HMCN2: variants seen among roughly 807,000 people sequenced by gnomAD.
HMCN2 encodes hemicentin-2.
HMCN2 carries 325 observed loss-of-function variants against 377.5 expected under a neutral mutation model. The observed-to-expected ratio is 0.86, with a 90% confidence interval of 0.79 to 0.94. The LOEUF (loss-of-function observed/expected upper bound fraction) is 0.94. Among genes scored for constraint, HMCN2 ranks in the 40% least tolerant of loss-of-function variants. HMCN2 has a pLI of 0.00. For synonymous variants in HMCN2, 2,007 were observed against 2,046.8 expected (o/e 0.98, Z 0.53); for missense variants, 4,543 against 4,725.3 (o/e 0.96, Z 1.13).
At chr9:130,419,577 C>T (rs531037293) in intron 86 of HMCN2, 16 of 152,554 alleles carry the variant, frequency 1.0e-4, no homozygotes, top group African/African-American at 3.8e-4. Context: ...TGGATTCAGA[C>T]CTGCATAAAG....
In HMCN2 at chr9:130,385,590, G is replaced by A. The variant is rs1031796823; in HGVS notation, c.9137G>A (p.Gly3046Asp). The A allele has an allele frequency of 1.5e-6, 2 of 1,304,056 alleles. No individual in the cohort carries two copies. Among genetic ancestry groups the A allele is most frequent in the Admixed American group, 2.3e-5 (1 of 43,542 alleles). The allele number at this position is 1,304,056 out of a possible 1,614,324, so 80.8% of individuals were successfully genotyped here. ...VPPAFRQAPR[G>D]PQDAVLVRVG... ...CCGGCCTTCAGGCAGGCTCCCAGAG[G>A]TCCCCAGGATGCGGTCCTGGTGAGG... Residue 3046 changes from glycine to aspartate, a missense_variant, in exon 60 of 98, where the codon GGT becomes GAT. Gly to Asp is a moderately conservative substitution (Grantham distance 94). Around this residue, in one of 5 missense-constraint regions of HMCN2, gnomAD observed 736 missense variants for 773.2 expected, o/e 0.95. Coordinates refer to ENST00000683500, the MANE Select transcript of HMCN2 (RefSeq NM_001291815.2).
chr9:130,392,935 G>A (rs1210713882), intron 66 of HMCN2, among the ~76,000 whole-genome samples: 2 of 151,968 alleles, frequency 1.3e-5, no homozygotes, highest in Non-Finnish European at 2.9e-5. Flanking sequence ...GGCGGAGCTT[G>A]CAGTGAGCCG....
chr9:130,301,481 G>A (rs562020718), intron 8 of HMCN2, among the ~76,000 whole-genome samples: 48 of 152,330 alleles, frequency 3.2e-4, no homozygotes, highest in African/African-American at 1.1e-3. Flanking sequence ...CTTGTAGCAG[G>A]TGGCTCTGGG....
At chr9:130,426,343 A>G (rs1270897410) in intron 90 of HMCN2, among the ~76,000 whole-genome samples, 11 of 152,252 alleles carry the variant, frequency 7.2e-5, no homozygotes, top group Non-Finnish European at 1.2e-4. Flanking sequence ...AGTGAATGCT[A>G]AAGATACATA....
At chr9:130,348,484 C>T in intron 26 of HMCN2, 61 bp from the exon 27 acceptor site, 1 of 1,285,372 alleles carries the variant, frequency 7.8e-7, no homozygotes, top group Non-Finnish European at 1.0e-6. Context: ...CAGATGAGGT[C>T]CCTTCGGCTG....
chr9:130,410,633 G>A lies in HMCN2; in HGVS notation c.12942G>A (p.Val4314=), dbSNP rs373168736. The change falls in exon 85 of 98, where the codon GTG becomes GTA. Residue 4314 remains valine, a synonymous_variant. Coordinates refer to ENST00000683500, the MANE Select transcript of HMCN2 (RefSeq NM_001291815.2). The part of the protein sequence containing the change: ...AENEMGVAKK[V]VILVLQSAPV... ...ATGAGATGGGCGTGGCGAAGAAAGT[G>A]GTGATCCTCGTCCTGCAGAGTGAGT... 27 of 1,550,638 alleles carry A rather than the reference G, an allele frequency of 1.7e-5. No individual in the cohort carries two copies. Among genetic ancestry groups the A allele is most frequent in the Non-Finnish European group, 2.3e-5 (26 of 1,147,012 alleles).
intron 1 of HMCN2, among the ~76,000 whole-genome samples, chr9:130,267,478 G>GCA (rs1328068411): frequency 1.6e-5 from 2 of 123,544 alleles, no homozygotes; most frequent in Admixed American, 8.1e-5. Flanking sequence ...ACACACACAC[G>GCA]CACAGATTCC....
chr9:130,322,294 A>C (rs1224017517), intron 19 of HMCN2, among the ~76,000 whole-genome samples: 9 of 152,132 alleles, frequency 5.9e-5, no homozygotes, highest in African/African-American at 2.2e-4. Flanking sequence ...AAATTACATA[A>C]AAATTATCTA....
At chr9:130,334,128 TGTG>T (rs1838579892) in intron 22 of HMCN2, among the ~76,000 whole-genome samples, 1 of 152,122 alleles carries the variant, frequency 6.6e-6, no homozygotes, top group Non-Finnish European at 1.5e-5. Context: ...GAAGTGCAGG[TGTG>T]TCCCAGGTAG....
rs1554935460 is a variant in HMCN2 at position 130,303,759 on chromosome 9, C to T, written c.1543+151C>T. Reference sequence around the variant, plus strand: ...GCCCAGGCTGCCACCTGCCTGCTGCCCCTCATGTGGGGCCGTCTCACCCAG... The same window carrying T: ...GCCCAGGCTGCCACCTGCCTGCTGCTCCTCATGTGGGGCCGTCTCACCCAG... On this transcript the variant is annotated intron_variant, in intron 10 of 97. Transcript: ENST00000683500. This position sits in a 1 kb window ranked among gnomAD's most constrained non-coding sequence, Gnocchi z 5.2. Among the ~76,000 whole-genome samples, 1 of 152,218 alleles carries T rather than the reference C, an allele frequency of 6.6e-6. No homozygotes were observed. Among genetic ancestry groups the T allele is most frequent in the Non-Finnish European group, 1.5e-5 (1 of 68,040 alleles).
At chr9:130,272,844 C>G (rs978962656) in intron 1 of HMCN2, among the ~76,000 whole-genome samples, 9 of 152,242 alleles carry the variant, frequency 5.9e-5, no homozygotes, top group Admixed American at 1.3e-4. Flanking sequence ...AGGCCTGAAC[C>G]ACTGCGCCTG....
At chr9:130,312,475 T>G (rs1837293268) in intron 15 of HMCN2, among the ~76,000 whole-genome samples, 1 of 142,730 alleles carries the variant, frequency 7.0e-6, no homozygotes, top group South Asian at 2.4e-4. Context: ...TTTATTTATT[T>G]CCTTTCTTTC....
At chr9:130,387,284 C>T (rs1165025784) in intron 61 of HMCN2, among the ~76,000 whole-genome samples, 1 of 152,108 alleles carries the variant, frequency 6.6e-6, no homozygotes, top group Non-Finnish European at 1.5e-5. Context: ...ACAAAAAGAC[C>T]CCAAAATATA....
intron 85 of HMCN2, among the ~76,000 whole-genome samples, chr9:130,411,260 A>G (rs1843392581): frequency 6.6e-6 from 1 of 152,114 alleles, no homozygotes; most frequent in Admixed American, 6.5e-5. Context: ...TGCATACCAT[A>G]AAATTCACCC....
chr9:130,428,297 A>T lies in HMCN2; in HGVS notation c.14066-61A>T. On this transcript the variant is annotated intron_variant, in intron 92 of 97. Coordinates refer to ENST00000683500, the MANE Select transcript of HMCN2 (RefSeq NM_001291815.2). The surrounding 1 kb of genome is among the most constrained non-coding windows in gnomAD (Gnocchi z 5.0). ...TCTGTGGATAGGCCGGGCCAGGGTC[A>T]GGTGGCGAGGCACGCCTGGGGATCA... The T allele has an allele frequency of 6.8e-7, 1 of 1,466,426 alleles. No homozygotes were observed. The highest frequency in any genetic ancestry group is 1.4e-5 in the South Asian group (1 of 70,992). 90.8% of individuals were successfully genotyped at this position (1,466,426 alleles called of 1,614,324 possible). A position where few individuals can be genotyped will look rare whatever the true frequency, so the allele number is the denominator to read the frequency against.
Position 130,285,225 on chromosome 9 carries a change from G to A in HMCN2, c.398G>A (p.Gly133Glu), listed in dbSNP as rs1042419549. The A allele has an allele frequency of 2.1e-6, 1 of 471,044 alleles. No homozygotes were observed. Among genetic ancestry groups the A allele is most frequent in the Non-Finnish European group, 4.4e-6 (1 of 227,064 alleles). The allele number at this position is 471,044 out of a possible 1,614,324, so 29.2% of individuals were successfully genotyped here. A position where few individuals can be genotyped will look rare whatever the true frequency, so the allele number is the denominator to read the frequency against. Reference sequence around the variant, plus strand: ...GCTGCCGTGGAGGTTGCCAACCCCGGATCCTTCATCTACGTCTTTTCGGAT... The same window carrying A: ...GCTGCCGTGGAGGTTGCCAACCCCGAATCCTTCATCTACGTCTTTTCGGAT... ...IKAAVEVANP[G>E]SFIYVFSDAR... Residue 133 changes from glycine to glutamate, a missense_variant, in exon 3 of 98, where the codon GGA (glycine) becomes GAA (glutamate). Gly to Glu is a moderately conservative substitution (Grantham distance 98, BLOSUM62 -2). Transcript: ENST00000683500.
In HMCN2 at chr9:130,422,119, A is replaced by G. The variant is rs1844054167; in HGVS notation, c.13232-458A>G. On this transcript the variant is annotated intron_variant, in intron 86 of 97. Coordinates refer to ENST00000683500, the MANE Select transcript of HMCN2 (RefSeq NM_001291815.2). The surrounding 1 kb of genome is among the most constrained non-coding windows in gnomAD (Gnocchi z 4.2). ...CTGCAGGGCAGCCAGGGCCAGCAGC[A>G]CTGATGGAATGGGGCTGTTCAGGTG... Among the ~76,000 whole-genome samples, 7 of 152,236 alleles carry G rather than the reference A, an allele frequency of 4.6e-5. No individual in the cohort carries two copies. The South Asian group carries it at 1.4e-3, about 31-fold the overall frequency.
At position 130,422,202 on chromosome 9, in the gene HMCN2, G is replaced by A. The variant is rs139836388; in HGVS notation, c.13232-375G>A. 1.2e-4 allele frequency among the ~76,000 whole-genome samples: 19 copies of A among 152,238 alleles called. No individual in the cohort carries two copies. Among genetic ancestry groups the A allele is most frequent in the African/African-American group, 4.1e-4 (17 of 41,472 alleles). ...CCTTCAGTGTGCCAGCCACGCCATC[G>A]TGGGCTCCCGGCATTTCAGAGACCC... On this transcript the variant is annotated intron_variant, in intron 86 of 97. Transcript: ENST00000683500. The surrounding 1 kb of genome is among the most constrained non-coding windows in gnomAD (Gnocchi z 4.2).
Position 130,365,643 on chromosome 9 carries a change from G to A in HMCN2, c.6421G>A (p.Asp2141Asn), listed in dbSNP as rs879732138. 2.2e-4 allele frequency: 219 copies of A among 985,972 alleles called. 1 individual carries two copies. The highest frequency in any genetic ancestry group is 1.0e-3 in the Middle Eastern group (2 of 1,912). 61.1% of individuals were successfully genotyped at this position (985,972 alleles called of 1,614,324 possible). Residue 2141 changes from aspartate to asparagine, a missense_variant, in exon 42 of 98, where the codon GAT becomes AAT. This residue lies in a region of HMCN2 where 1,032 missense variants were observed against 1,285.1 expected (regional missense o/e 0.80). Transcript: ENST00000683500. ...TGCTCTCTGCCAGGTGGACAGAGCC[G>A]ATGTGTGGGATGCGGGCCATTACAC... ...DKALLQVDRA[D>N]VWDAGHYTCE...
Sources: gnomAD v4.1 joint callset for allele counts (sites outside exome capture counted in the v4.1 genomes callset) on GRCh38, gnomAD v4.1.1 for gene constraint, gnomAD v4.1.1 regional missense constraint, Gnocchi (gnomAD v3.1) non-coding constraint, MANE v1.5 for transcripts, NCBI Gene and HGNC (gene_info 2026-07-23, HGNC 2026-07-21) for gene names.